The following AFDN variants were observed in gnomAD, a reference collection of about 807,000 sequenced individuals.
The protein encoded by AFDN is afadin, adherens junction formation factor.
In AFDN, 68 loss-of-function variants were observed where a neutral mutation model predicts 216.6. That is an observed-to-expected ratio of 0.31 (90% CI 0.26 to 0.38). The LOEUF is 0.38. AFDN is among the 10% of genes least tolerant of loss of function. The pLI is 1.00. For missense variants in AFDN, 2,136 were observed against 2,342.0 expected (o/e 0.91, Z 1.82); for synonymous variants, 868 against 853.7 (o/e 1.02, Z -0.29).
intron 6 of AFDN, among the ~76,000 whole-genome samples, chr6:167,888,977 A>C (rs749121896): frequency 6.6e-6 from 1 of 151,900 alleles, no homozygotes. Flanking sequence ...TATTTAGTCT[A>C]CCTCTTTTTA....
At chr6:167,948,047 T>C in intron 28 of AFDN, 103 bp downstream of exon 28, 1 of 884,982 alleles carries the variant, frequency 1.1e-6, no homozygotes, top group Admixed American at 2.7e-5. Context: ...TGAATTAGCA[T>C]TGATTATAAT....
chr6:167,935,797 T>C (rs1178607037), intron 23 of AFDN, among the ~76,000 whole-genome samples: 1 of 152,084 alleles, frequency 6.6e-6, no homozygotes, highest in Non-Finnish European at 1.5e-5. Flanking sequence ...TTTCTTTTGG[T>C]TGGAAATCAG....
intron 28 of AFDN, 134 bp downstream of exon 28, chr6:167,948,078 A>C: frequency 1.2e-6 from 1 of 809,430 alleles, no homozygotes. Context: ...GCAGTGTTTT[A>C]TCTTTTGATT....
chr6:167,965,149 T>TG (rs1184455496), intron 31 of AFDN: 1 of 855,582 alleles, frequency 1.2e-6, no homozygotes, highest in Non-Finnish European at 1.4e-6. Flanking sequence ...GAATGAGTGT[T>TG]TTTTTTTTTT....
In AFDN at chr6:167,827,086, G is replaced by A; in HGVS notation, c.-47G>A. 12 of 1,077,908 alleles carry A rather than the reference G, an allele frequency of 1.1e-5. No homozygotes were observed. The highest frequency in any genetic ancestry group is 1.3e-5 in the Non-Finnish European group (11 of 852,066). 66.8% of individuals were successfully genotyped at this position (1,077,908 alleles called of 1,614,324 possible). ...CCCGCGGACCTGTCGTCCTCGGCCC[G>A]TCCTCCGGCCCCGGCCCCGCGCGGC... On this transcript the variant is annotated 5_prime_UTR_variant, in exon 1 of 34. Transcript: ENST00000683244.
At position 167,864,583 on chromosome 6, in the gene AFDN, T is replaced by C; in HGVS notation, c.138T>C (p.Tyr46=). 6.2e-7 allele frequency: 1 copy of C among 1,614,032 alleles called. No individual in the cohort carries two copies. The highest frequency in any genetic ancestry group is 2.2e-5 in the East Asian group (1 of 44,886). ...DLEFHGVMRF[Y]FQDKAAGNFA... ...AGTTCCATGGAGTGATGAGATTTTA[T>C]TTTCAAGATAAAGCTGCTGGAAACT... Residue 46 remains tyrosine (Y), a synonymous_variant, in exon 2 of 34, where the codon TAT becomes TAC. Coordinates refer to ENST00000683244, the MANE Select transcript of AFDN (RefSeq NM_001386888.1).
Position 167,921,034 on chromosome 6 carries a change from A to C in AFDN, c.2909-1822A>C, listed in dbSNP as rs62427708. On this transcript the variant is annotated intron_variant, in intron 21 of 33. Coordinates refer to ENST00000683244, the MANE Select transcript of AFDN (RefSeq NM_001386888.1). ...GGTCCCTGAGATCCTGGGCTTGACC[A>C]GCTGCACTTTCTCTGATCCTCAGCA... 1.5e-3 allele frequency among the ~76,000 whole-genome samples: 224 copies of C among 152,336 alleles called. 1 individual carries two copies. The highest frequency in any genetic ancestry group is 2.4e-3 in the Non-Finnish European group (165 of 68,014).
chr6:167,911,521 A>C (rs770324677), intron 15 of AFDN, 32 bp downstream of exon 15: 1 of 1,600,034 alleles, frequency 6.2e-7, no homozygotes, highest in African/African-American at 1.3e-5. Context: ...ATGCTCCTCC[A>C]GTGATTGTGG....
intron 8 of AFDN, 194 bp from the exon 9 acceptor site, chr6:167,893,668 G>C (rs1004011118): frequency 7.2e-6 from 4 of 555,918 alleles, no homozygotes; most frequent in Admixed American, 3.0e-5. Flanking sequence ...CTAAAACACT[G>C]ACTGGGGCAC....
chr6:167,835,809 CAG>C (rs1780361057), intron 1 of AFDN, among the ~76,000 whole-genome samples: 1 of 152,052 alleles, frequency 6.6e-6, no homozygotes, highest in African/African-American at 2.4e-5. Flanking sequence ...GAAAGGGTCT[CAG>C]AGAACCTTGG....
chr6:167,832,000 G>A (rs1350686792), intron 1 of AFDN, among the ~76,000 whole-genome samples: 1 of 152,166 alleles, frequency 6.6e-6, no homozygotes, highest in African/African-American at 2.4e-5. Context: ...ATATGAGACT[G>A]AACTCATTTG....
intron 3 of AFDN, among the ~76,000 whole-genome samples, chr6:167,871,601 G>A (rs1784803413): frequency 6.6e-6 from 1 of 152,070 alleles, no homozygotes; most frequent in Non-Finnish European, 1.5e-5. Context: ...ATGCATCTCT[G>A]TCATCTGCTA....
At chr6:167,888,512 C>T (rs1013775267) in intron 6 of AFDN, among the ~76,000 whole-genome samples, 5 of 152,140 alleles carry the variant, frequency 3.3e-5, no homozygotes, top group African/African-American at 1.2e-4. Context: ...GAATATTGGA[C>T]AACCATCATC....
chr6:167,969,908 AC>A lies in AFDN; in HGVS notation c.5470del (p.Leu1824TrpfsTer5). The A allele has an allele frequency of 1.2e-6, 2 of 1,611,254 alleles. No individual in the cohort carries two copies. The highest frequency in any genetic ancestry group is 1.7e-6 in the Non-Finnish European group (2 of 1,179,248). On this transcript the variant is annotated frameshift_variant, in exon 34 of 34. Coordinates refer to ENST00000683244, the MANE Select transcript of AFDN (RefSeq NM_001386888.1). LOFTEE classifies it high-confidence loss of function. ...TGAAAGCTTCTCGTAAATTAACAGAACTGGAGAATGAACTGAACACAAAGTG... is the reference window on the plus strand; with the variant it reads ...TGAAAGCTTCTCGTAAATTAACAGAATGGAGAATGAACTGAACACAAAGTG... ...KVKASRKLTE[L>X]ENELNTK
chr6:167,841,061 T>C (rs1223659435), intron 1 of AFDN, among the ~76,000 whole-genome samples: 1 of 151,832 alleles, frequency 6.6e-6, no homozygotes, highest in Admixed American at 6.5e-5. Flanking sequence ...AAGGAGAAAA[T>C]GAAACTGAAG....
chr6:167,884,243 CCAAAT>C (rs1220558699), intron 6 of AFDN, among the ~76,000 whole-genome samples: 7 of 152,198 alleles, frequency 4.6e-5, no homozygotes, highest in African/African-American at 1.7e-4. Context: ...TTGAACAGCT[CCAAAT>C]CATCCATAGG....
chr6:167,849,090 G>A (rs538490908), intron 1 of AFDN, among the ~76,000 whole-genome samples: 4 of 152,196 alleles, frequency 2.6e-5, no homozygotes, highest in South Asian at 2.1e-4. Flanking sequence ...CTTAGGCCCC[G>A]TTTCTTCATC....
intron 29 of AFDN, among the ~76,000 whole-genome samples, chr6:167,950,110 A>C (rs1250029366): frequency 6.6e-6 from 1 of 152,250 alleles, no homozygotes; most frequent in Non-Finnish European, 1.5e-5. Flanking sequence ...CTGTGTACTA[A>C]GTAAAGCTCT....
intron 1 of AFDN, among the ~76,000 whole-genome samples, chr6:167,862,986 A>T (rs189862108): frequency 1.3e-5 from 2 of 152,346 alleles, no homozygotes; most frequent in East Asian, 3.9e-4. Context: ...CTGAGCAAGC[A>T]CTATAAAGTT....
Sources: gnomAD v4.1 joint callset for allele counts (sites outside exome capture counted in the v4.1 genomes callset) on GRCh38, gnomAD v4.1.1 for gene constraint, MANE v1.5 for transcripts, NCBI Gene and HGNC (gene_info 2026-07-23, HGNC 2026-07-21) for gene names.